NRXN1: variants seen among roughly 807,000 people sequenced by gnomAD.
NRXN1 encodes neurexin-1.
A neutral mutation model predicts 150.9 loss-of-function variants in NRXN1; 39 were observed. The observed-to-expected ratio is 0.26, with a 90% CI of 0.20 to 0.34. NRXN1 has a LOEUF of 0.34. Among genes scored for constraint, NRXN1 ranks in the 10% least tolerant of loss-of-function variants. The probability of loss-of-function intolerance (pLI) is 1.00; values close to 1 mark genes in which losing one functional copy is unlikely to be tolerated. For missense variants in NRXN1, 1,815 were observed against 1,949.9 expected, an observed-to-expected ratio of 0.93 and a Z score of 1.30; for synonymous variants, 924 against 757.0, an observed-to-expected ratio of 1.22 and a Z score of -3.62.
At chr2:50,518,775 T>G (rs2105103343) in intron 12 of NRXN1, among the ~76,000 whole-genome samples, 1 of 152,022 alleles carries the variant, frequency 6.6e-6, no homozygotes, top group Non-Finnish European at 1.5e-5. Context: ...ATTTACCTTT[T>G]ACTTTCCATT....
At chr2:50,782,340 C>T (rs1343140668) in intron 5 of NRXN1, among the ~76,000 whole-genome samples, 3 of 151,928 alleles carry the variant, frequency 2.0e-5, no homozygotes, top group Non-Finnish European at 2.9e-5. Flanking sequence ...TGTGGTGGCT[C>T]ATGCTTGTAG....
intron 17 of NRXN1, among the ~76,000 whole-genome samples, chr2:50,379,431 G>T (rs773984180): frequency 5.9e-5 from 9 of 152,154 alleles, no homozygotes; most frequent in Non-Finnish European, 1.3e-4. Flanking sequence ...CAACTCCACA[G>T]TCGAACATTT....
intron 17 of NRXN1, among the ~76,000 whole-genome samples, chr2:50,375,933 TA>T (rs2080455754): frequency 6.6e-6 from 1 of 151,770 alleles, no homozygotes; most frequent in South Asian, 2.1e-4. Context: ...AATAAAGAAA[TA>T]AGCCAATAAG....
At chr2:50,487,410 G>T (rs1287954923) in intron 15 of NRXN1, among the ~76,000 whole-genome samples, 1 of 152,202 alleles carries the variant, frequency 6.6e-6, no homozygotes, top group Non-Finnish European at 1.5e-5. Flanking sequence ...CCACATTCAT[G>T]TGATGTCAAT....
intron 17 of NRXN1, among the ~76,000 whole-genome samples, chr2:50,375,121 C>CATGAT (rs1456621805): frequency 6.6e-6 from 1 of 152,066 alleles, no homozygotes. Flanking sequence ...CACTTGCATT[C>CATGAT]ATGATATATT....
chr2:50,732,237 GA>G, intron 5 of NRXN1, among the ~76,000 whole-genome samples: 1 of 151,944 alleles, frequency 6.6e-6, no homozygotes, highest in Admixed American at 6.5e-5. Flanking sequence ...CTAGAATAAA[GA>G]AAAAAACTAA....
chr2:50,127,827 G>T (rs1216529767), intron 18 of NRXN1, among the ~76,000 whole-genome samples: 1 of 152,114 alleles, frequency 6.6e-6, no homozygotes, highest in African/African-American at 2.4e-5. Flanking sequence ...TACAATAAAG[G>T]TCAGATAAAT....
chr2:49,943,889 G>C (rs974333205), intron 21 of NRXN1, 98 bp from the exon 22 acceptor site: 63 of 890,798 alleles, frequency 7.1e-5, no homozygotes, highest in Non-Finnish European at 1.1e-4. Context: ...TGTTTATCAA[G>C]AAACCAAATT....
chr2:50,336,427 G>C (rs958960766), intron 17 of NRXN1, among the ~76,000 whole-genome samples: 2 of 152,052 alleles, frequency 1.3e-5, no homozygotes, highest in Admixed American at 1.3e-4. Context: ...AATCTTCAAG[G>C]CTTCATAATT....
At chr2:50,263,374 C>T (rs1285975948) in intron 17 of NRXN1, among the ~76,000 whole-genome samples, 1 of 152,014 alleles carries the variant, frequency 6.6e-6, no homozygotes, top group Non-Finnish European at 1.5e-5. Context: ...GTACTCTCAA[C>T]AAATGTTAAT....
chr2:50,099,887 T>C (rs1700766746), intron 18 of NRXN1, among the ~76,000 whole-genome samples: 1 of 152,098 alleles, frequency 6.6e-6, no homozygotes, highest in Non-Finnish European at 1.5e-5. Context: ...GGTTCTCCCG[T>C]TGATTATGCT....
At chr2:50,768,372 G>C (rs1559233931) in intron 5 of NRXN1, among the ~76,000 whole-genome samples, 2 of 152,012 alleles carry the variant, frequency 1.3e-5, no homozygotes, top group Admixed American at 1.3e-4. Flanking sequence ...GCAGTGGCAT[G>C]ATCACGACTC....
chr2:50,364,059 G>A (rs1328957129), intron 17 of NRXN1, among the ~76,000 whole-genome samples: 1 of 152,108 alleles, frequency 6.6e-6, no homozygotes, highest in Non-Finnish European at 1.5e-5. Context: ...ATGGACACAG[G>A]GAGGGGAACA....
At chr2:50,558,156 C>A (rs1430681930) in intron 8 of NRXN1, among the ~76,000 whole-genome samples, 1 of 152,130 alleles carries the variant, frequency 6.6e-6, no homozygotes, top group African/African-American at 2.4e-5. Flanking sequence ...GTTTAATTCC[C>A]ATATGCATCC....
At chr2:50,265,995 A>ATTTTTTTTTTTT (rs1491084411) in intron 17 of NRXN1, among the ~76,000 whole-genome samples, 1 of 76,860 alleles carries the variant, frequency 1.3e-5, no homozygotes, top group African/African-American at 7.4e-5. Context: ...TATTATTATT[A>ATTTTTTTTTTTT]TTATTTATTT....
At chr2:50,094,319 A>C (rs1332693006) in intron 18 of NRXN1, among the ~76,000 whole-genome samples, 1 of 152,168 alleles carries the variant, frequency 6.6e-6, no homozygotes, top group African/African-American at 2.4e-5. Flanking sequence ...CTAGTCCATC[A>C]AAATGCAGAA....
intron 5 of NRXN1, among the ~76,000 whole-genome samples, chr2:50,796,399 G>A (rs1453973786): frequency 1.3e-5 from 2 of 152,102 alleles, no homozygotes; most frequent in South Asian, 2.1e-4. Context: ...TAATATATGT[G>A]TTGCAAAAAG....
At chr2:50,284,368 T>G (rs1363992421) in intron 17 of NRXN1, among the ~76,000 whole-genome samples, 1 of 152,170 alleles carries the variant, frequency 6.6e-6, no homozygotes, top group African/African-American at 2.4e-5. Context: ...GATGTTCCCC[T>G]ATGGAGGCCT....
intron 21 of NRXN1, among the ~76,000 whole-genome samples, chr2:50,042,032 G>A (rs1344100005): frequency 1.3e-5 from 2 of 152,158 alleles, no homozygotes; most frequent in Non-Finnish European, 2.9e-5. Flanking sequence ...TTTGCTTCCT[G>A]CATATCGCAT....
Sources: allele counts gnomAD v4.1 joint callset (sites outside exome capture counted in the v4.1 genomes callset), GRCh38; gene constraint gnomAD v4.1.1; transcripts MANE v1.5; gene names NCBI Gene and HGNC (gene_info 2026-07-23, HGNC 2026-07-21).